ST6GAL2: variants seen among roughly 807,000 people sequenced by gnomAD.
ST6GAL2 encodes beta-galactoside alpha-2,6-sialyltransferase 2.
A neutral mutation model predicts 37.5 loss-of-function variants in ST6GAL2; 24 were observed. That is an observed-to-expected ratio of 0.64 (90% CI 0.46 to 0.90). The LOEUF is 0.90. ST6GAL2 is among the 40% of genes least tolerant of loss of function. The probability of loss-of-function intolerance (pLI) is 0.00; values close to 1 mark genes in which losing one functional copy is unlikely to be tolerated. For missense variants in ST6GAL2, 715 were observed against 712.7 expected, an observed-to-expected ratio of 1.00 and a Z score of -0.04; for synonymous variants, 306 against 295.1, an observed-to-expected ratio of 1.04 and a Z score of -0.38.
chr2:106,872,486 G>T (rs567448927), intron 1 of ST6GAL2, among the ~76,000 whole-genome samples: 2 of 152,202 alleles, frequency 1.3e-5, no homozygotes, highest in African/African-American at 4.8e-5. Context: ...TGGATGTGAG[G>T]ACATCCACAC....
intron 5 of ST6GAL2, among the ~76,000 whole-genome samples, chr2:106,823,702 T>C (rs1676098241): frequency 6.6e-6 from 1 of 152,156 alleles, no homozygotes; most frequent in Non-Finnish European, 1.5e-5. Flanking sequence ...TGCAATAAAC[T>C]GGGTGGCTTA....
intron 2 of ST6GAL2, among the ~76,000 whole-genome samples, chr2:106,842,068 CAA>C (rs563134691): frequency 6.5e-4 from 99 of 152,328 alleles, no homozygotes; most frequent in African/African-American, 2.3e-3. Flanking sequence ...GCTTTAAGAA[CAA>C]AGACTGAAGT....
At chr2:106,885,554 G>A (rs1280355130) in intron 1 of ST6GAL2, among the ~76,000 whole-genome samples, 1 of 152,062 alleles carries the variant, frequency 6.6e-6, no homozygotes, top group Non-Finnish European at 1.5e-5. Flanking sequence ...CCCCAACACA[G>A]AACCGGCAAA....
In ST6GAL2 at chr2:106,806,801, C is replaced by G. The variant is rs1246831675; in HGVS notation, c.1467G>C (p.Lys489Asn). ...LGAYHPLLYE[K>N]LLVQRLNMGT... is the part of the protein sequence containing the mutation. ...CCATGTTCAGGCGCTGCACCAGGAG[C>G]TTCTCATAGAGTAGTGGGTGGTACG... Residue 489 changes from lysine to asparagine, a missense_variant, in exon 6 of 6, where the codon AAG becomes AAC. Lys to Asn is a moderately conservative substitution (Grantham distance 94). Around this residue, in one of 3 missense-constraint regions of ST6GAL2, gnomAD observed 198 missense variants for 203.6 expected, o/e 0.97. Coordinates refer to ENST00000409382, the MANE Select transcript of ST6GAL2 (RefSeq NM_001142351.2). The G allele has an allele frequency of 1.2e-6, 2 of 1,614,208 alleles. No individual in the cohort carries two copies. The highest frequency in any genetic ancestry group is 1.7e-6 in the Non-Finnish European group (2 of 1,180,044).
intron 1 of ST6GAL2, among the ~76,000 whole-genome samples, chr2:106,879,759 T>C (rs1678666155): frequency 6.8e-6 from 1 of 147,760 alleles, no homozygotes; most frequent in South Asian, 2.1e-4. Flanking sequence ...TATATACATA[T>C]AGACCAACTA....
chr2:106,886,601 A>C (rs1253774768), upstream of ST6GAL2: 1 of 151,598 alleles, frequency 6.6e-6, no homozygotes, highest in Non-Finnish European at 1.5e-5. Context: ...CGCGGCCCCG[A>C]GCCCCGGGGA....
At chr2:106,831,210 T>C (rs1676407874) in intron 4 of ST6GAL2, among the ~76,000 whole-genome samples, 1 of 152,216 alleles carries the variant, frequency 6.6e-6, no homozygotes, top group African/African-American at 2.4e-5. Flanking sequence ...CATGTGGCAC[T>C]GGCAAGGGAG....
intron 5 of ST6GAL2, among the ~76,000 whole-genome samples, chr2:106,824,494 C>A (rs563611244): frequency 5.0e-4 from 76 of 152,056 alleles, no homozygotes; most frequent in African/African-American, 1.7e-3. Context: ...TAGCTGGGCA[C>A]GGTGGCACGC....
rs1195503243 is a variant in ST6GAL2, at chr2:106,843,201, C to T, written c.777G>A (p.Ala259=). Residue 259 remains alanine, a synonymous_variant, in exon 2 of 6, where the codon GCG becomes GCA. Transcript: ENST00000409382. ...CGGTGCCGTCCAGCGTCCGCACGCGCGCGCGGCTCCGCAGCTGGCACAGCA... is the reference window on the plus strand; with the variant it reads ...CGGTGCCGTCCAGCGTCCGCACGCGTGCGCGGCTCCGCAGCTGGCACAGCA... The part of the protein sequence containing the change: ...AQLLCQLRSR[A]RVRTLDGTEA... 7 of 1,549,348 alleles carry T rather than the reference C, an allele frequency of 4.5e-6. No individual in the cohort carries two copies. The highest frequency in any genetic ancestry group is 6.1e-6 in the Non-Finnish European group (7 of 1,147,456).
chr2:106,839,536 A>C (rs1052636536), intron 2 of ST6GAL2, among the ~76,000 whole-genome samples: 1 of 152,122 alleles, frequency 6.6e-6, no homozygotes, highest in Non-Finnish European at 1.5e-5. Flanking sequence ...TCAATAAATA[A>C]TGCTAATTGG....
At chr2:106,869,840 T>C (rs1678189319) in intron 1 of ST6GAL2, among the ~76,000 whole-genome samples, 2 of 152,178 alleles carry the variant, frequency 1.3e-5, no homozygotes, top group Admixed American at 1.3e-4. Context: ...CTGTCCTCTC[T>C]GCACCTCACC....
intron 1 of ST6GAL2, among the ~76,000 whole-genome samples, chr2:106,863,768 G>C (rs968831724): frequency 6.6e-6 from 1 of 152,202 alleles, no homozygotes; most frequent in Non-Finnish European, 1.5e-5. Context: ...TGTGGGGATC[G>C]ATAGAGACTG....
intron 2 of ST6GAL2, among the ~76,000 whole-genome samples, chr2:106,837,940 C>T (rs1421009133): frequency 6.6e-6 from 1 of 152,096 alleles, no homozygotes; most frequent in African/African-American, 2.4e-5. Flanking sequence ...GGCAGGGAGG[C>T]AGGGTCATGT....
Position 106,832,639 on chromosome 2 carries a change from T to TA in ST6GAL2, c.1068_1069insT (p.Ile357TyrfsTer2). The TA allele has an allele frequency of 6.2e-7, 1 of 1,612,652 alleles. No homozygotes were observed. The highest frequency in any genetic ancestry group is 8.5e-7 in the Non-Finnish European group (1 of 1,178,784). ...ACGTCTTTATACAGTGAACTGTCAA[T>TA]GAAGTGATGGCTGGGGTTGGTCAGA... On this transcript the variant is annotated frameshift_variant, in exon 4 of 6. Coordinates refer to ENST00000409382, the MANE Select transcript of ST6GAL2 (RefSeq NM_001142351.2). LOFTEE classifies it high-confidence loss of function.
chr2:106,808,490 CTT>C (rs1433837759), intron 5 of ST6GAL2, among the ~76,000 whole-genome samples: 1 of 152,202 alleles, frequency 6.6e-6, no homozygotes, highest in Non-Finnish European at 1.5e-5. Context: ...GTCAATTCCT[CTT>C]GTTTTTCTCC....
intron 1 of ST6GAL2, among the ~76,000 whole-genome samples, chr2:106,876,268 AT>A (rs1678499028): frequency 6.6e-6 from 1 of 152,218 alleles, no homozygotes; most frequent in East Asian, 1.9e-4. Context: ...ACATTTTAAA[AT>A]TTACTTTTGG....
intron 1 of ST6GAL2, among the ~76,000 whole-genome samples, chr2:106,868,763 A>T (rs754795909): frequency 6.6e-6 from 1 of 151,982 alleles, no homozygotes; most frequent in Non-Finnish European, 1.5e-5. Flanking sequence ...TTCAGAGACA[A>T]CATCATAGGT....
intron 1 of ST6GAL2, among the ~76,000 whole-genome samples, chr2:106,869,827 C>G (rs73949799): frequency 6.6e-6 from 1 of 152,188 alleles, no homozygotes; most frequent in Non-Finnish European, 1.5e-5. Context: ...GCTGGGCCTC[C>G]GACTGTCCTC....
At chr2:106,819,204 T>G (rs2104436557) in intron 5 of ST6GAL2, among the ~76,000 whole-genome samples, 1 of 152,100 alleles carries the variant, frequency 6.6e-6, no homozygotes, top group Middle Eastern at 3.4e-3. Context: ...AACAGAAAAC[T>G]TCCAAAACCT....
Sources: allele counts gnomAD v4.1 joint callset (sites outside exome capture counted in the v4.1 genomes callset), GRCh38; gene constraint gnomAD v4.1.1; regional missense constraint gnomAD v4.1.1; transcripts MANE v1.5; gene names NCBI Gene and HGNC (gene_info 2026-07-23, HGNC 2026-07-21).